The following JAZF1 variants were observed in gnomAD, a reference collection of about 807,000 sequenced individuals.
JAZF1 encodes the protein juxtaposed with another zinc finger protein 1.
Under a neutral mutation model 26.4 loss-of-function variants are expected in JAZF1, and 8 were observed. The ratio of observed to expected loss-of-function variants is 0.30; its 90% CI spans 0.18 to 0.55. JAZF1 has a LOEUF of 0.55. JAZF1 is among the 20% of genes least tolerant of loss of function. The pLI, the probability that JAZF1 is intolerant of heterozygous loss-of-function variation, is 0.94. For missense variants in JAZF1, 199 were observed against 322.0 expected, an observed-to-expected ratio of 0.62 and a Z score of 2.92; for synonymous variants, 126 against 122.3, an observed-to-expected ratio of 1.03 and a Z score of -0.20.
intron 1 of JAZF1, among the ~76,000 whole-genome samples, chr7:28,029,625 C>T (rs1164060326): frequency 6.6e-6 from 1 of 152,060 alleles, no homozygotes; most frequent in East Asian, 1.9e-4. Flanking sequence ...ATAATGTTTT[C>T]GATAAAATGG....
chr7:27,856,086 C>T lies in JAZF1; in HGVS notation c.386-15219G>A, dbSNP rs532491844. ...GGTGGGTTCTTGGTCTCACTGACTT[C>T]AAGAATGAAGCTGCGGACCCTCGTG... On this transcript the variant is annotated intron_variant, in intron 3 of 4. Transcript: ENST00000283928. Among the ~76,000 whole-genome samples the T allele has an allele frequency of 2.6e-5, 4 of 152,304 alleles. No homozygotes were observed. The East Asian group carries it at 7.7e-4, about 29-fold the overall frequency.
intron 3 of JAZF1, among the ~76,000 whole-genome samples, chr7:27,867,069 C>T (rs775956765): frequency 3.9e-5 from 6 of 152,076 alleles, no homozygotes; most frequent in Admixed American, 1.3e-4. Flanking sequence ...CAGCCCTCGC[C>T]GGAGCTTGTT....
intron 1 of JAZF1, among the ~76,000 whole-genome samples, chr7:28,075,075 G>A (rs75363933): frequency 0.054 from 8,232 of 152,154 alleles, 393 homozygotes; most frequent in African/African-American, 0.12. Context: ...TGGGCATGTC[G>A]CTAGAGCCAA....
At chr7:27,897,012 C>T (rs1784077064) in intron 2 of JAZF1, among the ~76,000 whole-genome samples, 1 of 152,194 alleles carries the variant, frequency 6.6e-6, no homozygotes, top group African/African-American at 2.4e-5. Flanking sequence ...TGTCCTTAAA[C>T]TTCTTTCCCT....
intron 1 of JAZF1, among the ~76,000 whole-genome samples, chr7:28,064,860 G>T (rs569978319): frequency 6.6e-6 from 1 of 152,072 alleles, no homozygotes; most frequent in African/African-American, 2.4e-5. Flanking sequence ...CAGCTTAACA[G>T]GATATCTTAA....
At chr7:28,045,654 A>G (rs1036835818) in intron 1 of JAZF1, among the ~76,000 whole-genome samples, 3 of 152,134 alleles carry the variant, frequency 2.0e-5, no homozygotes, top group Non-Finnish European at 4.4e-5. Flanking sequence ...ATAGCTCACT[A>G]TAGCCTTGAA....
intron 1 of JAZF1, among the ~76,000 whole-genome samples, chr7:28,073,470 G>C (rs1041683092): frequency 6.6e-6 from 1 of 152,082 alleles, no homozygotes; most frequent in Admixed American, 6.6e-5. Flanking sequence ...TGACTCTCTG[G>C]ACCCGAATCT....
intron 3 of JAZF1, among the ~76,000 whole-genome samples, chr7:27,864,672 T>G (rs915269833): frequency 6.6e-6 from 1 of 152,124 alleles, no homozygotes; most frequent in African/African-American, 2.4e-5. Flanking sequence ...ATTGTTCCCA[T>G]ATGTTGTTTC....
At chr7:27,986,198 G>A (rs948795906) in intron 2 of JAZF1, among the ~76,000 whole-genome samples, 17 of 152,190 alleles carry the variant, frequency 1.1e-4, no homozygotes, top group East Asian at 5.8e-4. Flanking sequence ...TGACATGATT[G>A]TATATTTAGA....
intron 1 of JAZF1, among the ~76,000 whole-genome samples, chr7:28,038,312 A>G (rs1026998258): frequency 1.3e-5 from 2 of 152,208 alleles, no homozygotes; most frequent in Non-Finnish European, 2.9e-5. Context: ...CTGTGCTTGT[A>G]TTAGCATAAC....
chr7:28,085,686 A>G (rs1324154372), intron 1 of JAZF1, among the ~76,000 whole-genome samples: 1 of 152,202 alleles, frequency 6.6e-6, no homozygotes, highest in Admixed American at 6.5e-5. Flanking sequence ...GGCCCATTAT[A>G]TTTATGAGGC....
intron 4 of JAZF1, among the ~76,000 whole-genome samples, chr7:27,837,374 T>A (rs983426738): frequency 6.6e-6 from 1 of 152,202 alleles, no homozygotes; most frequent in African/African-American, 2.4e-5. Flanking sequence ...CTGGGAAGGA[T>A]ACAAAGGAAA....
intron 2 of JAZF1, among the ~76,000 whole-genome samples, chr7:27,956,549 C>T (rs1159449802): frequency 1.3e-5 from 2 of 152,188 alleles, no homozygotes; most frequent in Admixed American, 6.5e-5. Context: ...TATTGTTCCC[C>T]GTTTTCCACT....
chr7:27,831,211 C>CTT lies in JAZF1; in HGVS notation c.*1587_*1588dup, dbSNP rs1782686806. On this transcript the variant is annotated 3_prime_UTR_variant, in exon 5 of 5. Transcript: ENST00000283928. Reference sequence around the variant, plus strand: ...TCCCTCATAATGAAGGATTTTAGAACTTATGAATATAGAGGTTTACTCATC... The same window carrying CTT: ...TCCCTCATAATGAAGGATTTTAGAACTTTTATGAATATAGAGGTTTACTCATC... The CTT allele has an allele frequency of 4.5e-6, 1 of 223,370 alleles. No individual in the cohort carries two copies. The highest frequency in any genetic ancestry group is 2.2e-5 in the African/African-American group (1 of 44,838). 13.8% of individuals were successfully genotyped at this position (223,370 alleles called of 1,614,324 possible). A position where few individuals can be genotyped will look rare whatever the true frequency, so the allele number is the denominator to read the frequency against.
intron 2 of JAZF1, among the ~76,000 whole-genome samples, chr7:27,911,341 A>G (rs532225998): frequency 2.0e-5 from 3 of 152,320 alleles, no homozygotes; most frequent in African/African-American, 4.8e-5. Context: ...TTTAATCCTC[A>G]TAACAGCTTG....
At chr7:27,922,471 A>G (rs13224987) in intron 2 of JAZF1, among the ~76,000 whole-genome samples, 41,507 of 151,782 alleles carry the variant, frequency 0.27, 5,958 homozygotes, top group East Asian at 0.37. Flanking sequence ...CTGGTCTCGA[A>G]CTCCTGAGCT....
intron 1 of JAZF1, among the ~76,000 whole-genome samples, chr7:28,086,250 A>G (rs1158950749): frequency 6.6e-6 from 1 of 152,238 alleles, no homozygotes; most frequent in East Asian, 1.9e-4. Context: ...TTGCCTCCCC[A>G]GTAATGACTA....
chr7:28,096,294 G>C (rs544322816), intron 1 of JAZF1, among the ~76,000 whole-genome samples: 30 of 152,320 alleles, frequency 2.0e-4, no homozygotes, highest in African/African-American at 6.7e-4. Flanking sequence ...TGAGTAAAAG[G>C]CAACACTTTT....
chr7:27,889,400 C>T (rs554089145), intron 3 of JAZF1, among the ~76,000 whole-genome samples: 7 of 152,218 alleles, frequency 4.6e-5, no homozygotes, highest in African/African-American at 1.7e-4. Context: ...AAGGCCTTTG[C>T]TATAGGATGA....
Sources: gnomAD v4.1 joint callset for allele counts (sites outside exome capture counted in the v4.1 genomes callset) on GRCh38, gnomAD v4.1.1 for gene constraint, MANE v1.5 for transcripts, NCBI Gene and HGNC (gene_info 2026-07-23, HGNC 2026-07-21) for gene names.